Variants in AK7 observed in about 807,000 individuals in gnomAD.
The protein encoded by AK7 is ATP-AMP transphosphorylase 7.
Under a neutral mutation model 96.6 loss-of-function variants are expected in AK7, and 78 were observed. The observed-to-expected ratio is 0.81, with a 90% confidence interval of 0.67 to 0.97. The LOEUF (loss-of-function observed/expected upper bound fraction) is 0.97. Among genes scored for constraint, AK7 ranks in the 50% least tolerant of loss-of-function variants. The pLI is 0.00. For synonymous variants in AK7, 302 were observed against 317.2 expected (o/e 0.95, Z 0.51); for missense variants, 855 against 887.9 (o/e 0.96, Z 0.47).
At chr14:96,478,389 G>T (rs1895303389) in intron 14 of AK7, 76 bp from the exon 15 acceptor site, 13 of 1,461,148 alleles carry the variant, frequency 8.9e-6, no homozygotes, top group Non-Finnish European at 1.2e-5. Context: ...GTAACCAGGG[G>T]GCCATGCGTT....
chr14:96,471,666 C>T (rs1202883292), intron 13 of AK7, 60 bp downstream of exon 13: 7 of 1,332,200 alleles, frequency 5.3e-6, no homozygotes, highest in African/African-American at 1.5e-5. Context: ...CTTTATTGTT[C>T]AGAGAAGTAG....
At chr14:96,452,167 C>T (rs1357408313) in intron 10 of AK7, among the ~76,000 whole-genome samples, 1 of 152,098 alleles carries the variant, frequency 6.6e-6, no homozygotes, top group Admixed American at 6.6e-5. Flanking sequence ...TCCTGTACAA[C>T]ATAAAGTTTT....
At chr14:96,448,175 C>G (rs550254224) in intron 8 of AK7, among the ~76,000 whole-genome samples, 3 of 151,788 alleles carry the variant, frequency 2.0e-5, no homozygotes, top group African/African-American at 7.2e-5. Context: ...TCTTCCTGTG[C>G]ACTCTCCCTG....
chr14:96,477,116 C>T (rs1187073150), intron 14 of AK7, among the ~76,000 whole-genome samples: 1 of 152,042 alleles, frequency 6.6e-6, no homozygotes, highest in Non-Finnish European at 1.5e-5. Flanking sequence ...AAAAGATGAG[C>T]AAAAAATAGG....
intron 2 of AK7, among the ~76,000 whole-genome samples, chr14:96,404,283 T>C (rs541895027): frequency 6.6e-6 from 1 of 152,268 alleles, no homozygotes; most frequent in South Asian, 2.1e-4. Context: ...GGCTGTCAAC[T>C]GTAATAAGGT....
At chr14:96,477,315 C>A (rs544209486) in intron 14 of AK7, among the ~76,000 whole-genome samples, 8 of 152,334 alleles carry the variant, frequency 5.3e-5, no homozygotes, top group African/African-American at 1.9e-4. Context: ...CCCCATTACA[C>A]TTACCTTTTT....
At chr14:96,477,141 G>A (rs1036748521) in intron 14 of AK7, among the ~76,000 whole-genome samples, 3 of 152,170 alleles carry the variant, frequency 2.0e-5, no homozygotes, top group Non-Finnish European at 4.4e-5. Flanking sequence ...ACTTACTTGC[G>A]AAAACACCTC....
At chr14:96,426,676 A>G (rs1442934277) in intron 5 of AK7, among the ~76,000 whole-genome samples, 3 of 152,208 alleles carry the variant, frequency 2.0e-5, no homozygotes, top group East Asian at 1.9e-4. Context: ...TTCACCAGAT[A>G]TACTATTCTA....
chr14:96,412,226 C>CTTTTTTTT (rs34331496), intron 4 of AK7, among the ~76,000 whole-genome samples: 3 of 121,026 alleles, frequency 2.5e-5, no homozygotes, highest in Non-Finnish European at 5.1e-5. Context: ...TTCTTTCTTT[C>CTTTTTTTT]TTTTTTTTTT....
chr14:96,485,183 CTG>C (rs1414161597), intron 16 of AK7, among the ~76,000 whole-genome samples: 1 of 152,230 alleles, frequency 6.6e-6, no homozygotes, highest in Non-Finnish European at 1.5e-5. Flanking sequence ...CTGATAAAAA[CTG>C]TTCTCATTGT....
At chr14:96,430,226 C>T (rs1299622118) in intron 5 of AK7, among the ~76,000 whole-genome samples, 1 of 150,150 alleles carries the variant, frequency 6.7e-6, no homozygotes, top group African/African-American at 2.5e-5. Context: ...CACTCTGTCA[C>T]CCAGGCTGGA....
At chr14:96,438,820 G>A (rs1215982639) in intron 6 of AK7, among the ~76,000 whole-genome samples, 4 of 152,290 alleles carry the variant, frequency 2.6e-5, no homozygotes, top group African/African-American at 9.6e-5. Flanking sequence ...AGTGAGCAGG[G>A]TAGTGCCTAA....
At position 96,395,718 on chromosome 14, in the gene AK7, G is replaced by GAA. The variant is rs71103518; in HGVS notation, c.106-2332_106-2331dup. Among the ~76,000 whole-genome samples the GAA allele has an allele frequency of 3.6e-3, 149 of 41,022 alleles. 10 individuals are homozygous for GAA. The highest frequency in any genetic ancestry group is 8.2e-3 in the African/African-American group (122 of 14,850). 26.9% of individuals were successfully genotyped at this position (41,022 alleles called of 152,430 possible). ...AGGGCAGAGTAAAACCTTGTCTCTAGAAAAAAAAAAAAAAAAAAAAAAAAA... is the reference window on the plus strand; with the variant it reads ...AGGGCAGAGTAAAACCTTGTCTCTAGAAAAAAAAAAAAAAAAAAAAAAAAAAA... On this transcript the variant is annotated intron_variant, in intron 1 of 17. Coordinates refer to ENST00000267584, the MANE Select transcript of AK7 (RefSeq NM_152327.5).
intron 1 of AK7, among the ~76,000 whole-genome samples, chr14:96,393,164 A>G (rs1889857140): frequency 6.6e-6 from 1 of 152,182 alleles, no homozygotes; most frequent in Non-Finnish European, 1.5e-5. Context: ...TCATGCTAAT[A>G]TGATCAGTTG....
intron 5 of AK7, among the ~76,000 whole-genome samples, chr14:96,422,435 C>G (rs1448491663): frequency 2.0e-5 from 3 of 152,174 alleles, no homozygotes; most frequent in Non-Finnish European, 4.4e-5. Flanking sequence ...TGCCTTAACC[C>G]TGAAGAGGCC....
At chr14:96,471,388 A>G in intron 12 of AK7, 90 bp from the exon 13 acceptor site, 1 of 766,348 alleles carries the variant, frequency 1.3e-6, no homozygotes, top group African/African-American at 1.8e-5. Flanking sequence ...ACCTTTGACT[A>G]CACAACAATT....
At chr14:96,400,767 T>C (rs1890363520) in intron 2 of AK7, among the ~76,000 whole-genome samples, 1 of 152,260 alleles carries the variant, frequency 6.6e-6, no homozygotes, top group Admixed American at 6.5e-5. Flanking sequence ...GTCCCTTTCC[T>C]GAGCCAGTCA....
intron 4 of AK7, among the ~76,000 whole-genome samples, chr14:96,419,382 C>T (rs891828056): frequency 5.3e-5 from 8 of 152,162 alleles, no homozygotes; most frequent in Admixed American, 5.2e-4. Flanking sequence ...GTAATCCCAC[C>T]ATTCTGCGAG....
intron 5 of AK7, among the ~76,000 whole-genome samples, chr14:96,434,043 A>G (rs1045960898): frequency 6.6e-5 from 10 of 152,220 alleles, no homozygotes; most frequent in African/African-American, 2.4e-4. Flanking sequence ...CTGCTTTGCC[A>G]GGATTGATCC....
Sources: allele counts gnomAD v4.1 joint callset (sites outside exome capture counted in the v4.1 genomes callset), GRCh38; gene constraint gnomAD v4.1.1; transcripts MANE v1.5; gene names NCBI Gene and HGNC (gene_info 2026-07-23, HGNC 2026-07-21).